Variants in POLR2D observed in about 807,000 individuals in gnomAD.
POLR2D encodes RNA polymerase II subunit D, also known as DNA-directed RNA polymerase II subunit RPB4.
In POLR2D, 10 loss-of-function variants were observed where a neutral mutation model predicts 17.6. The observed-to-expected ratio is 0.57, with a 90% CI of 0.35 to 0.96. The LOEUF (loss-of-function observed/expected upper bound fraction) is 0.96. Ranked by LOEUF, POLR2D falls within the 40% of genes least tolerant of loss-of-function variation. The pLI is 0.02. For synonymous variants in POLR2D, 52 were observed against 60.2 expected (o/e 0.86, Z 0.63); for missense variants, 126 against 176.4 (o/e 0.71, Z 1.62).
rs1690111181 is a variant in POLR2D, at chr2:127,844,106, C to CAAAAAAAAAAA, written c.*4000_*4001insTTTTTTTTTTT. 1 of 40,270 alleles carries CAAAAAAAAAAA rather than the reference C, an allele frequency of 2.5e-5. No individual in the cohort carries two copies. The highest frequency in any genetic ancestry group is 4.1e-4 in the East Asian group (1 of 2,418). The allele number at this position is 40,270 out of a possible 1,614,324, so 2.5% of individuals were successfully genotyped here. A position where few individuals can be genotyped will look rare whatever the true frequency, so the allele number is the denominator to read the frequency against. On this transcript the variant is annotated 3_prime_UTR_variant, in exon 4 of 4. Transcript: ENST00000272645. ...GCGACAGAGCAAGATCCTGCTGTAT[C>CAAAAAAAAAAA]CAAAAAAAAAAAAAAAAAAAGCCTG...
At chr2:127,855,001 CAAAAAA>C (rs58280789) in intron 1 of POLR2D, among the ~76,000 whole-genome samples, 3 of 70,958 alleles carry the variant, frequency 4.2e-5, no homozygotes, top group Admixed American at 1.6e-4. Flanking sequence ...GACATCAGGC[CAAAAAA>C]AAAAAAAAAA....
At chr2:127,853,229 C>G (rs916539005) in intron 1 of POLR2D, 124 bp from the exon 2 acceptor site, 2 of 756,162 alleles carry the variant, frequency 2.6e-6, no homozygotes, top group African/African-American at 3.5e-5. Flanking sequence ...TACTCCACAT[C>G]TGCTTTTTTT....
intron 1 of POLR2D, among the ~76,000 whole-genome samples, chr2:127,855,139 G>T (rs187219799): frequency 6.6e-6 from 1 of 152,000 alleles, no homozygotes; most frequent in East Asian, 1.9e-4. Flanking sequence ...GCTCACGCCT[G>T]TAATCCCAAC....
Position 127,845,691 on chromosome 2 carries a change from C to T in POLR2D, c.*2416G>A, listed in dbSNP as rs1241638280. 5 of 152,092 alleles carry T rather than the reference C, an allele frequency of 3.3e-5. No individual in the cohort carries two copies. Among genetic ancestry groups the T allele is most frequent in the African/African-American group, 9.7e-5 (4 of 41,394 alleles). 9.4% of individuals were successfully genotyped at this position (152,092 alleles called of 1,614,324 possible). A position where few individuals can be genotyped will look rare whatever the true frequency, so the allele number is the denominator to read the frequency against. Reference sequence around the variant, plus strand: ...CGCCTGGCCCAATTTCATTTATTTTCCAAGTCTGATACTATCAGTTGGTAG... The same window carrying T: ...CGCCTGGCCCAATTTCATTTATTTTTCAAGTCTGATACTATCAGTTGGTAG... On this transcript the variant is annotated 3_prime_UTR_variant, in exon 4 of 4. Transcript: ENST00000272645.
intron 3 of POLR2D, among the ~76,000 whole-genome samples, chr2:127,849,907 A>T (rs1690222279): frequency 6.6e-6 from 1 of 152,118 alleles, no homozygotes; most frequent in Non-Finnish European, 1.5e-5. Context: ...TGCAGCAATG[A>T]ACACTAAAAT....
In POLR2D at chr2:127,852,789, G is replaced by A. The variant is rs1690272477; in HGVS notation, c.254+136C>T. ...CTGCCTCAACCTTCCAAAGTGCTGG[G>A]TGTGAGCCACCATGCCCAGCCTAAC... On this transcript the variant is annotated intron_variant, in intron 2 of 3. Coordinates refer to ENST00000272645, the MANE Select transcript of POLR2D (RefSeq NM_004805.4). The surrounding 1 kb of genome is among the most constrained non-coding windows in gnomAD (Gnocchi z 4.0). 2.9e-6 allele frequency: 2 copies of A among 689,796 alleles called. No homozygotes were observed. Among genetic ancestry groups the A allele is most frequent in the Non-Finnish European group, 5.1e-6 (2 of 393,738 alleles). The allele number at this position is 689,796 out of a possible 1,614,324, so 42.7% of individuals were successfully genotyped here. A position where few individuals can be genotyped will look rare whatever the true frequency, so the allele number is the denominator to read the frequency against.
rs1361761268 is a variant in POLR2D at position 127,846,375 on chromosome 2, TAC to T, written c.*1730_*1731del. On this transcript the variant is annotated 3_prime_UTR_variant, in exon 4 of 4. Coordinates refer to ENST00000272645, the MANE Select transcript of POLR2D (RefSeq NM_004805.4). ...CCTTTTTCCTTGGATCACAAGTTCA[TAC>T]AGAGTCAAGCAAGTGCCCCAAAGAA... 7 of 152,202 alleles carry T rather than the reference TAC, an allele frequency of 4.6e-5. No individual in the cohort carries two copies. Among genetic ancestry groups the T allele is most frequent in the Non-Finnish European group, 8.8e-5 (6 of 68,052 alleles). 9.4% of individuals were successfully genotyped at this position (152,202 alleles called of 1,614,324 possible).
chr2:127,854,169 T>C (rs1476883726), intron 1 of POLR2D, among the ~76,000 whole-genome samples: 1 of 152,170 alleles, frequency 6.6e-6, no homozygotes, highest in Non-Finnish European at 1.5e-5. Context: ...AAGAATTAGG[T>C]TTGAGAGAAA....
intron 3 of POLR2D, among the ~76,000 whole-genome samples, chr2:127,848,566 G>C (rs1235144136): frequency 2.0e-5 from 3 of 152,114 alleles, no homozygotes; most frequent in Non-Finnish European, 4.4e-5. Context: ...GCCCAGGCTG[G>C]AGTGCAGTGG....
intron 1 of POLR2D, among the ~76,000 whole-genome samples, chr2:127,855,394 C>CA (rs747725989): frequency 0.15 from 7,268 of 49,870 alleles, 476 homozygotes; most frequent in East Asian, 0.22. Context: ...AACTCCGTCT[C>CA]AAAAAAAAAA....
At chr2:127,856,832 T>C (rs1205664308) in intron 1 of POLR2D, 1 of 152,100 alleles carries the variant, frequency 6.6e-6, no homozygotes, top group African/African-American at 2.4e-5. Context: ...GGTCACGAGT[T>C]CGAGAACAGG....
intron 1 of POLR2D, 198 bp downstream of exon 1, chr2:127,857,829 TA>T (rs1307697474): frequency 6.1e-6 from 8 of 1,316,636 alleles, no homozygotes; most frequent in Non-Finnish European, 7.7e-6. Context: ...GTTTATCACA[TA>T]AAATAACCCA....
chr2:127,850,440 C>CAAAAAAAAAGAAAAAAAA (rs1690232759), intron 3 of POLR2D, 150 bp downstream of exon 3: 1 of 104,384 alleles, frequency 9.6e-6, no homozygotes, highest in African/African-American at 7.5e-5. Context: ...AACTCCGTCT[C>CAAAAAAAAAGAAAAAAAA]AAAAAAAAAA....
chr2:127,851,872 C>T (rs977086037), intron 2 of POLR2D, among the ~76,000 whole-genome samples: 25 of 152,148 alleles, frequency 1.6e-4, no homozygotes, highest in African/African-American at 5.8e-4. Context: ...CTGACTGCTA[C>T]CTCCCTCTCC....
intron 1 of POLR2D, among the ~76,000 whole-genome samples, chr2:127,853,534 G>C (rs1454954164): frequency 6.6e-6 from 1 of 152,012 alleles, no homozygotes; most frequent in African/African-American, 2.4e-5. Context: ...CCATGTTGCT[G>C]CAAAAGATAT....
intron 3 of POLR2D, among the ~76,000 whole-genome samples, chr2:127,848,441 G>A (rs1269119934): frequency 1.3e-5 from 2 of 150,152 alleles, no homozygotes; most frequent in Admixed American, 6.6e-5. Flanking sequence ...ATGGAGTTTC[G>A]CTCTTGCCTC....
chr2:127,855,797 G>A (rs1690317907), intron 1 of POLR2D, among the ~76,000 whole-genome samples: 2 of 132,096 alleles, frequency 1.5e-5, no homozygotes, highest in Non-Finnish European at 1.6e-5. Flanking sequence ...GCACACGCGC[G>A]CACATACACA....
Position 127,853,138 on chromosome 2 carries a change from A to G in POLR2D, c.74-33T>C, listed in dbSNP as rs370239299. On this transcript the variant is annotated intron_variant, in intron 1 of 3. Transcript: ENST00000272645. ...TAAGAAGCATAAATGGCAGCTGAAAATACTCCTTCAAAAGTTTGCTTCTAA... is the reference window on the plus strand; with the variant it reads ...TAAGAAGCATAAATGGCAGCTGAAAGTACTCCTTCAAAAGTTTGCTTCTAA... The G allele has an allele frequency of 3.9e-5, 60 of 1,552,638 alleles. No homozygotes were observed. The African/African-American group carries it at 7.8e-4, about 20-fold the overall frequency.
intron 1 of POLR2D, 155 bp downstream of exon 1, chr2:127,857,873 C>T: frequency 7.4e-7 from 1 of 1,347,308 alleles, no homozygotes; most frequent in Non-Finnish European, 9.5e-7. Flanking sequence ...AGGCCATGGT[C>T]CCTCCCAAGG....
Sources: gnomAD v4.1 joint callset for allele counts (sites outside exome capture counted in the v4.1 genomes callset) on GRCh38, gnomAD v4.1.1 for gene constraint, Gnocchi (gnomAD v3.1) non-coding constraint, MANE v1.5 for transcripts, NCBI Gene and HGNC (gene_info 2026-07-23, HGNC 2026-07-21) for gene names.